DLGAP2: variants seen among roughly 807,000 people sequenced by gnomAD.
The protein encoded by DLGAP2 is disks large-associated protein 2.
In DLGAP2, 26 loss-of-function variants were observed where a neutral mutation model predicts 100.3. The ratio of observed to expected loss-of-function variants is 0.26; its 90% CI spans 0.19 to 0.36. The LOEUF is 0.36. Ranked by LOEUF, DLGAP2 falls within the 10% of genes least tolerant of loss-of-function variation. The pLI, the probability that DLGAP2 is intolerant of heterozygous loss-of-function variation, is 1.00. For missense variants in DLGAP2, 1,858 were observed against 1,453.2 expected (o/e 1.28, Z -4.53); for synonymous variants, 886 against 630.1 (o/e 1.41, Z -6.08).
intron 2 of DLGAP2, among the ~76,000 whole-genome samples, chr8:1,248,916 A>C (rs1798975686): frequency 6.6e-6 from 1 of 152,144 alleles, no homozygotes; most frequent in African/African-American, 2.4e-5. Context: ...TAAATAAGTG[A>C]AGGTGAAAAC....
In DLGAP2 at chr8:1,436,149, C is replaced by G. The variant is rs138372178; in HGVS notation, c.107-65217C>G. ...CTCACAACCACAAGGTGAACTCCCACCACAAGCCGTCTGCAAGCTGAGGAA... is the reference window on the plus strand; with the variant it reads ...CTCACAACCACAAGGTGAACTCCCAGCACAAGCCGTCTGCAAGCTGAGGAA... On this transcript the variant is annotated intron_variant, in intron 3 of 14. Transcript: ENST00000637795. 1.7e-3 allele frequency among the ~76,000 whole-genome samples: 265 copies of G among 152,306 alleles called. 1 individual carries two copies. The highest frequency in any genetic ancestry group is 6.0e-3 in the African/African-American group (249 of 41,576).
intron 2 of DLGAP2, among the ~76,000 whole-genome samples, chr8:1,209,492 T>A (rs374554581): frequency 9.9e-5 from 15 of 152,234 alleles, no homozygotes; most frequent in African/African-American, 3.4e-4. Flanking sequence ...CATCAGCTGT[T>A]CTGTCAATGT....
chr8:1,352,193 G>A lies in DLGAP2; in HGVS notation c.106+93310G>A, dbSNP rs1475545348. ...CTGAGTGTGTGTGGATAGGCTGTGC[G>A]GGTCCTGACTGTGTGTGGAAAGGCC... On this transcript the variant is annotated intron_variant, in intron 3 of 14. Coordinates refer to ENST00000637795, the MANE Select transcript of DLGAP2 (RefSeq NM_001346810.2). Among the ~76,000 whole-genome samples the A allele has an allele frequency of 4.8e-4, 54 of 112,324 alleles. 6 individuals carry two copies. Among genetic ancestry groups the A allele is most frequent in the African/African-American group, 1.6e-3 (48 of 30,938 alleles). 73.7% of individuals were successfully genotyped at this position (112,324 alleles called of 152,430 possible). A position where few individuals can be genotyped will look rare whatever the true frequency, so the allele number is the denominator to read the frequency against.
At chr8:1,240,576 C>T (rs1798765963) in intron 2 of DLGAP2, among the ~76,000 whole-genome samples, 1 of 149,186 alleles carries the variant, frequency 6.7e-6, no homozygotes, top group Non-Finnish European at 1.5e-5. Flanking sequence ...TTACATGGCG[C>T]CGTGTCTAGT....
At chr8:1,008,990 C>T (rs1801201030) in intron 2 of DLGAP2, among the ~76,000 whole-genome samples, 1 of 152,248 alleles carries the variant, frequency 6.6e-6, no homozygotes, top group African/African-American at 2.4e-5. Flanking sequence ...CATGGCCAGA[C>T]CCTTCCTCGC....
At chr8:785,882 C>T (rs1012200231) in intron 1 of DLGAP2, among the ~76,000 whole-genome samples, 8 of 151,800 alleles carry the variant, frequency 5.3e-5, no homozygotes. Flanking sequence ...TCCTCCCTCA[C>T]CCGCTGTACA....
At chr8:1,327,195 C>G (rs556105217) in intron 3 of DLGAP2, among the ~76,000 whole-genome samples, 1 of 152,324 alleles carries the variant, frequency 6.6e-6, no homozygotes, top group Admixed American at 6.5e-5. Context: ...GACGTTAACA[C>G]TGCTGTGTAT....
chr8:1,164,594 C>A (rs1240036723), intron 2 of DLGAP2, among the ~76,000 whole-genome samples: 1 of 152,078 alleles, frequency 6.6e-6, no homozygotes, highest in Non-Finnish European at 1.5e-5. Flanking sequence ...AGCCCAGATG[C>A]CACAAAGCCC....
intron 2 of DLGAP2, among the ~76,000 whole-genome samples, chr8:1,081,418 C>G (rs543024706): frequency 6.6e-6 from 1 of 152,312 alleles, no homozygotes; most frequent in Non-Finnish European, 1.5e-5. Flanking sequence ...GTGGCGCAGC[C>G]TTGGCTCACT....
At chr8:904,958 C>T (rs1371638197) in intron 1 of DLGAP2, among the ~76,000 whole-genome samples, 1 of 152,196 alleles carries the variant, frequency 6.6e-6, no homozygotes, top group Admixed American at 6.5e-5. Context: ...CCAGCCAGAG[C>T]CGGTGCGGCA....
At chr8:1,409,171 C>A (rs959945600) in intron 3 of DLGAP2, among the ~76,000 whole-genome samples, 4 of 150,922 alleles carry the variant, frequency 2.7e-5, no homozygotes, top group African/African-American at 4.9e-5. Context: ...CCTTCCTCAC[C>A]ATAGCAGGCG....
At chr8:1,199,765 A>G (rs1797830102) in intron 2 of DLGAP2, among the ~76,000 whole-genome samples, 1 of 152,164 alleles carries the variant, frequency 6.6e-6, no homozygotes, top group Admixed American at 6.5e-5. Context: ...GAGCTCTTGC[A>G]TGATGGAAGG....
intron 3 of DLGAP2, among the ~76,000 whole-genome samples, chr8:1,389,499 A>T (rs1796297316): frequency 6.6e-6 from 1 of 152,168 alleles, no homozygotes; most frequent in Non-Finnish European, 1.5e-5. Flanking sequence ...CGCTAAGGGC[A>T]CTCAGAGCTG....
At chr8:1,012,871 T>G (rs1193609430) in intron 2 of DLGAP2, among the ~76,000 whole-genome samples, 3 of 151,962 alleles carry the variant, frequency 2.0e-5, no homozygotes, top group Non-Finnish European at 4.4e-5. Flanking sequence ...CAGGTTCTGC[T>G]GAGACCACTG....
chr8:1,531,723 G>T (rs980849298), intron 4 of DLGAP2, among the ~76,000 whole-genome samples: 2 of 152,040 alleles, frequency 1.3e-5, no homozygotes, highest in Non-Finnish European at 2.9e-5. Context: ...TGACCAACTC[G>T]TGTGGTCTTG....
At chr8:1,147,391 C>CT (rs1430461190) in intron 2 of DLGAP2, among the ~76,000 whole-genome samples, 1 of 152,028 alleles carries the variant, frequency 6.6e-6, no homozygotes, top group African/African-American at 2.4e-5. Context: ...TTATTTAACT[C>CT]TATTTTTTCT....
At chr8:1,163,439 C>G (rs1796931763) in intron 2 of DLGAP2, among the ~76,000 whole-genome samples, 1 of 152,180 alleles carries the variant, frequency 6.6e-6, no homozygotes, top group African/African-American at 2.4e-5. Flanking sequence ...GTCCGATGCT[C>G]TGGGACCCTT....
intron 1 of DLGAP2, among the ~76,000 whole-genome samples, chr8:784,002 C>T (rs1821771460): frequency 6.6e-6 from 1 of 152,186 alleles, no homozygotes; most frequent in African/African-American, 2.4e-5. Context: ...TGAGGGCCAT[C>T]GCCAGAATAA....
chr8:1,605,725 G>A (rs1056051243), intron 6 of DLGAP2, among the ~76,000 whole-genome samples: 2 of 152,200 alleles, frequency 1.3e-5, no homozygotes, highest in African/African-American at 2.4e-5. Context: ...AGCCCACAGC[G>A]TCCATGATGG....
Sources: gnomAD v4.1 joint callset for allele counts (sites outside exome capture counted in the v4.1 genomes callset) on GRCh38, gnomAD v4.1.1 for gene constraint, MANE v1.5 for transcripts, NCBI Gene and HGNC (gene_info 2026-07-23, HGNC 2026-07-21) for gene names.